The following IFT56 variants were observed in gnomAD, a reference collection of about 807,000 sequenced individuals.
IFT56 encodes the protein intraflagellar transport 56.
chr7:139,133,794 A>T, the IFT56 span: 4 of 1,612,378 alleles, frequency 2.5e-6, no homozygotes, highest in African/African-American at 1.3e-5. Context: ...TGCTGTGTGG[A>T]TGCGGCGAAA....
chr7:139,156,817 T>A, the IFT56 span, among the ~76,000 whole-genome samples: 1 of 152,234 alleles, frequency 6.6e-6, no homozygotes, highest in African/African-American at 2.4e-5. Context: ...ATTCTGTTGA[T>A]CCATTTGTGT....
At chr7:139,168,540 T>C in the IFT56 span, 1 of 665,786 alleles carries the variant, frequency 1.5e-6, no homozygotes, top group Non-Finnish European at 2.7e-6. Flanking sequence ...CAGACTCCAC[T>C]GAGAAAAGAA....
the IFT56 span, among the ~76,000 whole-genome samples, chr7:139,164,515 ACT>A: frequency 2.6e-5 from 4 of 151,800 alleles, no homozygotes; most frequent in Non-Finnish European, 2.9e-5. Context: ...TTTATTTTTA[ACT>A]CTTTTTAATT....
the IFT56 span, among the ~76,000 whole-genome samples, chr7:139,183,463 A>G: frequency 6.6e-6 from 1 of 152,158 alleles, no homozygotes; most frequent in East Asian, 1.9e-4. Flanking sequence ...TATCAAGCAT[A>G]TGTGTGAGGT....
chr7:139,146,891 GA>G, the IFT56 span: 1 of 870,882 alleles, frequency 1.1e-6, no homozygotes, highest in Non-Finnish European at 1.7e-6. Context: ...AAGATAAGGG[GA>G]AGGGTCAAAT....
the IFT56 span, among the ~76,000 whole-genome samples, chr7:139,160,312 T>C: frequency 1.3e-5 from 2 of 152,200 alleles, no homozygotes; most frequent in African/African-American, 4.8e-5. Context: ...ACCTTAGTTG[T>C]TTAAGGCTTA....
the IFT56 span, among the ~76,000 whole-genome samples, chr7:139,149,197 T>G: frequency 5.3e-5 from 8 of 149,668 alleles, no homozygotes; most frequent in Admixed American, 5.4e-4. Context: ...CCCAGCTACT[T>G]GGGAGGCTGA....
At chr7:139,178,682 G>A in the IFT56 span, 398 of 1,266,394 alleles carry the variant, frequency 3.1e-4, 4 homozygotes, top group East Asian at 9.0e-3. Context: ...AATGGTCAAG[G>A]GTTAAGGATT....
At chr7:139,174,284 G>A in the IFT56 span, 1 of 568,378 alleles carries the variant, frequency 1.8e-6, no homozygotes, top group Non-Finnish European at 3.5e-6. Flanking sequence ...TGACGGCAGG[G>A]CGTCCCACGG....
the IFT56 span, among the ~76,000 whole-genome samples, chr7:139,158,541 T>G: frequency 6.6e-6 from 1 of 152,190 alleles, no homozygotes; most frequent in South Asian, 2.1e-4. Flanking sequence ...TATAGCATGT[T>G]GTATTCTTCA....
At chr7:139,179,694 GGT>G in the IFT56 span, 346 of 1,444,512 alleles carry the variant, frequency 2.4e-4, no homozygotes, top group East Asian at 7.7e-3. Context: ...TTTTCTTTTT[GGT>G]TGCATAATCT....
chr7:139,155,127 A>G, the IFT56 span, among the ~76,000 whole-genome samples: 6 of 152,110 alleles, frequency 3.9e-5, no homozygotes, highest in Admixed American at 3.3e-4. Flanking sequence ...TGAATTGTTC[A>G]TTGCAAGAGA....
the IFT56 span, among the ~76,000 whole-genome samples, chr7:139,136,243 A>G: frequency 4.1e-4 from 63 of 152,138 alleles, no homozygotes; most frequent in African/African-American, 1.4e-3. Flanking sequence ...CTTCTTACTA[A>G]GTACTCTGGT....
At chr7:139,143,764 T>C in the IFT56 span, among the ~76,000 whole-genome samples, 1 of 152,118 alleles carries the variant, frequency 6.6e-6, no homozygotes, top group African/African-American at 2.4e-5. Flanking sequence ...TGTTCCTTTT[T>C]CTCTCCTTTC....
At chr7:139,181,151 G>C in the IFT56 span, 9 of 1,613,174 alleles carry the variant, frequency 5.6e-6, no homozygotes, top group East Asian at 6.7e-5. Context: ...GGAAACCTCC[G>C]GCGAGTCCTT....
chr7:139,156,065 G>A, the IFT56 span, among the ~76,000 whole-genome samples: 2 of 152,058 alleles, frequency 1.3e-5, no homozygotes, highest in African/African-American at 2.4e-5. Context: ...TTCTTCTTGA[G>A]TCAGTTCTGA....
At chr7:139,187,378 G>T in the IFT56 span, 1 of 1,611,440 alleles carries the variant, frequency 6.2e-7, no homozygotes, top group African/African-American at 1.3e-5. Flanking sequence ...TTTACTGCAA[G>T]TATTACCACA....
chr7:139,143,687 A>G, the IFT56 span, among the ~76,000 whole-genome samples: 1 of 152,098 alleles, frequency 6.6e-6, no homozygotes, highest in Admixed American at 6.5e-5. Context: ...ATTTACAAAT[A>G]CAGTTAGCTT....
At chr7:139,137,734 G>C in the IFT56 span, 1 of 717,212 alleles carries the variant, frequency 1.4e-6, no homozygotes, top group South Asian at 1.8e-5. Flanking sequence ...ATATTGTCAT[G>C]CTTCTAATAC....
Sources: gnomAD v4.1 joint callset for allele counts (sites outside exome capture counted in the v4.1 genomes callset) on GRCh38, gnomAD v4.1.1 for gene constraint, MANE v1.5 for transcripts, NCBI Gene and HGNC (gene_info 2026-07-23, HGNC 2026-07-21) for gene names.